The following TMCO5A variants were observed in gnomAD, a reference collection of about 807,000 sequenced individuals.
The protein encoded by TMCO5A is transmembrane and coiled-coil domains 5A.
A neutral mutation model predicts 42.3 loss-of-function variants in TMCO5A; 34 were observed. The ratio of observed to expected loss-of-function variants is 0.80; its 90% CI spans 0.61 to 1.07. TMCO5A has a LOEUF of 1.07. Among genes scored for constraint, TMCO5A ranks in the 50% least tolerant of loss-of-function variants. The probability of loss-of-function intolerance (pLI) is 0.00; values close to 1 mark genes in which losing one functional copy is unlikely to be tolerated. For missense variants in TMCO5A, 357 were observed against 327.9 expected (o/e 1.09, Z -0.69); for synonymous variants, 131 against 115.6 (o/e 1.13, Z -0.86).
At chr15:37,944,601 C>T (rs1297759411) in intron 10 of TMCO5A, among the ~76,000 whole-genome samples, 1 of 151,974 alleles carries the variant, frequency 6.6e-6, no homozygotes, top group African/African-American at 2.4e-5. Context: ...TTCCACAGCT[C>T]TAATTTTTTT....
the TMCO5A span, among the ~76,000 whole-genome samples, chr15:38,003,337 T>TCAGA: frequency 6.6e-6 from 1 of 152,052 alleles, no homozygotes; most frequent in African/African-American, 2.4e-5. Context: ...TTGTGCTGGG[T>TCAGA]CAGACCCAAA....
At chr15:37,993,245 T>G in the TMCO5A span, among the ~76,000 whole-genome samples, 2 of 152,250 alleles carry the variant, frequency 1.3e-5, no homozygotes, top group African/African-American at 4.8e-5. Flanking sequence ...TTTTTTTAAA[T>G]GGGGGCCACA....
At chr15:38,033,609 T>G in the TMCO5A span, among the ~76,000 whole-genome samples, 6 of 150,910 alleles carry the variant, frequency 4.0e-5, no homozygotes, top group Non-Finnish European at 5.9e-5. Flanking sequence ...TTTGTTTGGG[T>G]TTTTTTGTTT....
chr15:37,975,591 G>A, the TMCO5A span, among the ~76,000 whole-genome samples: 1 of 151,102 alleles, frequency 6.6e-6, no homozygotes, highest in Admixed American at 6.6e-5. Context: ...TTACTTGGTA[G>A]ATTTTTCTCC....
chr15:37,983,897 G>C, the TMCO5A span, among the ~76,000 whole-genome samples: 1 of 151,830 alleles, frequency 6.6e-6, no homozygotes, highest in South Asian at 2.1e-4. Context: ...GCTAATTTTT[G>C]TATTTTTAGT....
At chr15:38,025,395 A>G in the TMCO5A span, among the ~76,000 whole-genome samples, 34 of 151,960 alleles carry the variant, frequency 2.2e-4, no homozygotes, top group African/African-American at 7.5e-4. Flanking sequence ...CACAAAGACA[A>G]CTCTGGGACC....
chr15:38,023,361 G>T, the TMCO5A span, among the ~76,000 whole-genome samples: 52 of 152,168 alleles, frequency 3.4e-4, no homozygotes, highest in Non-Finnish European at 5.9e-4. Flanking sequence ...GGCTCTAACA[G>T]GTAGAGCTGG....
At chr15:38,010,910 G>A in the TMCO5A span, among the ~76,000 whole-genome samples, 1 of 152,126 alleles carries the variant, frequency 6.6e-6, no homozygotes, top group African/African-American at 2.4e-5. Flanking sequence ...ACCATGCCCA[G>A]CTAATTTTTG....
intron 9 of TMCO5A, 30 bp from the exon 10 acceptor site, chr15:37,943,311 C>T (rs1356236106): frequency 1.2e-6 from 2 of 1,608,102 alleles, no homozygotes; most frequent in East Asian, 2.2e-5. Flanking sequence ...GCACTTTGTT[C>T]AATTTCTGTC....
At chr15:38,033,862 C>T in the TMCO5A span, among the ~76,000 whole-genome samples, 1 of 152,206 alleles carries the variant, frequency 6.6e-6, no homozygotes, top group East Asian at 1.9e-4. Flanking sequence ...GATCCACCCT[C>T]CTCAGCCTTC....
At chr15:38,034,886 AAAG>A in the TMCO5A span, among the ~76,000 whole-genome samples, 1 of 152,090 alleles carries the variant, frequency 6.6e-6, no homozygotes, top group African/African-American at 2.4e-5. Context: ...TTATGGGACA[AAAG>A]AACCTGCCCA....
At chr15:38,011,823 G>T in the TMCO5A span, among the ~76,000 whole-genome samples, 1 of 152,016 alleles carries the variant, frequency 6.6e-6, no homozygotes, top group African/African-American at 2.4e-5. Flanking sequence ...TTATGTAGTT[G>T]CCTAAGAATG....
At chr15:37,984,280 T>C in the TMCO5A span, among the ~76,000 whole-genome samples, 1 of 152,054 alleles carries the variant, frequency 6.6e-6, no homozygotes, top group Non-Finnish European at 1.5e-5. Flanking sequence ...AAAATGCTCT[T>C]CATAATAATA....
At chr15:37,945,025 C>A (rs1205289418) in intron 10 of TMCO5A, among the ~76,000 whole-genome samples, 1 of 152,098 alleles carries the variant, frequency 6.6e-6, no homozygotes, top group Non-Finnish European at 1.5e-5. Context: ...CTCCCTCCCA[C>A]TACCTCAACC....
the TMCO5A span, among the ~76,000 whole-genome samples, chr15:38,012,158 T>C: frequency 6.6e-6 from 1 of 151,804 alleles, no homozygotes; most frequent in Non-Finnish European, 1.5e-5. Context: ...AATGGCTTCT[T>C]CTATGTGGTG....
the TMCO5A span, chr15:38,020,084 C>T: frequency 6.6e-6 from 1 of 152,026 alleles, no homozygotes; most frequent in Non-Finnish European, 1.5e-5. Context: ...CCTCAAACTC[C>T]TGGGATCAAG....
intron 11 of TMCO5A, among the ~76,000 whole-genome samples, chr15:37,950,213 G>A (rs972860684): frequency 6.6e-6 from 1 of 152,150 alleles, no homozygotes; most frequent in African/African-American, 2.4e-5. Flanking sequence ...TTGAAAGGAG[G>A]AGTAACAAAG....
At chr15:37,953,141 C>T (rs1200537528), downstream of TMCO5A, among the ~76,000 whole-genome samples, 1 of 152,184 alleles carries the variant, frequency 6.6e-6, no homozygotes, top group East Asian at 1.9e-4. Flanking sequence ...GGGTAACTCA[C>T]CACCCTGAAG....
the TMCO5A span, among the ~76,000 whole-genome samples, chr15:38,023,650 G>T: frequency 5.3e-5 from 8 of 152,208 alleles, no homozygotes; most frequent in Non-Finnish European, 1.2e-4. Context: ...AATGCGAGGA[G>T]TAGCAAAGAG....
Sources: allele counts gnomAD v4.1 joint callset (sites outside exome capture counted in the v4.1 genomes callset), GRCh38; gene constraint gnomAD v4.1.1; transcripts MANE v1.5; gene names NCBI Gene and HGNC (gene_info 2026-07-23, HGNC 2026-07-21).